Variants in STK32B observed in about 807,000 individuals in gnomAD.
The protein encoded by STK32B is serine/threonine-protein kinase 32B.
Under a neutral mutation model 52.6 loss-of-function variants are expected in STK32B, and 43 were observed. The observed-to-expected ratio is 0.82, with a 90% CI of 0.64 to 1.05. The LOEUF is 1.05. Among genes scored for constraint, STK32B ranks in the 50% least tolerant of loss-of-function variants. STK32B has a pLI of 0.00. For missense variants in STK32B, 621 were observed against 534.6 expected (o/e 1.16, Z -1.59); for synonymous variants, 238 against 204.3 (o/e 1.17, Z -1.41).
intron 3 of STK32B, among the ~76,000 whole-genome samples, chr4:5,227,320 A>G (rs2108802185): frequency 6.6e-6 from 1 of 152,306 alleles, no homozygotes; most frequent in East Asian, 1.9e-4. Flanking sequence ...TGGTTCTTTT[A>G]CCCACGCATG....
chr4:5,466,892 C>T (rs967448839), intron 10 of STK32B, 58 bp downstream of exon 10: 7 of 1,569,754 alleles, frequency 4.5e-6, no homozygotes, highest in Non-Finnish European at 6.0e-6. Context: ...AGGGAAATGA[C>T]TGAGCCAGGC....
chr4:5,439,727 A>G (rs1051258381), intron 6 of STK32B, among the ~76,000 whole-genome samples: 5 of 152,294 alleles, frequency 3.3e-5, no homozygotes, highest in South Asian at 2.1e-4. Flanking sequence ...TAGGGTTTAT[A>G]TGGTTTTAGG....
rs185961398 is a variant in STK32B, at chr4:5,376,649, T to C, written c.435-21558T>C. Among the ~76,000 whole-genome samples the C allele has an allele frequency of 8.5e-5, 13 of 152,274 alleles. No homozygotes were observed. In the East Asian group the frequency reaches 2.3e-3, roughly 27 times the overall value. On this transcript the variant is annotated intron_variant, in intron 4 of 11. Transcript: ENST00000282908. ...GGGTGATTTGTCAGCATCAGGATGA[T>C]GGAAATGAGGCTGGAGGGAGCAGAG...
At chr4:5,040,440 C>T in the STK32B span, among the ~76,000 whole-genome samples, 1 of 139,254 alleles carries the variant, frequency 7.2e-6, no homozygotes. Context: ...TGTCGCCAGG[C>T]TGGAGAGCAG....
intron 11 of STK32B, among the ~76,000 whole-genome samples, chr4:5,492,187 G>A (rs960179108): frequency 9.2e-5 from 14 of 152,154 alleles, no homozygotes; most frequent in African/African-American, 3.4e-4. Flanking sequence ...CCATTTTCAT[G>A]ATGTTGATTC....
chr4:5,027,251 C>G, the STK32B span, among the ~76,000 whole-genome samples: 3 of 152,214 alleles, frequency 2.0e-5, no homozygotes, highest in Admixed American at 1.3e-4. Context: ...AACACAAACA[C>G]CAAGGCTGGG....
intron 2 of STK32B, among the ~76,000 whole-genome samples, chr4:5,153,135 A>G (rs949282868): frequency 2.6e-5 from 4 of 152,346 alleles, no homozygotes; most frequent in Middle Eastern, 3.4e-3. Context: ...ACTGGCTTCT[A>G]TCACAGGCAC....
intron 1 of STK32B, among the ~76,000 whole-genome samples, chr4:5,090,532 T>G (rs981043194): frequency 2.0e-5 from 3 of 151,786 alleles, no homozygotes; most frequent in Non-Finnish European, 4.4e-5. Context: ...CCTGACTAAT[T>G]TTTTGTATTT....
rs1250778694 is a variant in STK32B at position 5,317,522 on chromosome 4, T to TTATA, written c.261-13690_261-13687dup. Among the ~76,000 whole-genome samples, 42 of 109,070 alleles carry TTATA rather than the reference T, an allele frequency of 3.9e-4. 1 individual carries two copies. Among genetic ancestry groups the TTATA allele is most frequent in the Non-Finnish European group, 6.5e-4 (40 of 61,314 alleles). 71.6% of individuals were successfully genotyped at this position (109,070 alleles called of 152,430 possible). A position where few individuals can be genotyped will look rare whatever the true frequency, so the allele number is the denominator to read the frequency against. ...ATATTATATATGTATAATATATTTA[T>TTATA]TATATATATATTACATGTATATATA... On this transcript the variant is annotated intron_variant, in intron 3 of 11. Transcript: ENST00000282908.
intron 3 of STK32B, among the ~76,000 whole-genome samples, chr4:5,212,480 G>T (rs1365243628): frequency 1.3e-5 from 2 of 152,164 alleles, no homozygotes; most frequent in African/African-American, 4.8e-5. Context: ...CATGTGAAGG[G>T]TACGAAAACC....
chr4:5,368,538 A>C (rs1735021931), intron 4 of STK32B, among the ~76,000 whole-genome samples: 2 of 152,168 alleles, frequency 1.3e-5, no homozygotes, highest in African/African-American at 4.8e-5. Context: ...GTCTACTATT[A>C]TTCCTAATTA....
At chr4:5,080,267 C>T (rs754759212) in intron 1 of STK32B, among the ~76,000 whole-genome samples, 42 of 152,254 alleles carry the variant, frequency 2.8e-4, no homozygotes, top group Non-Finnish European at 3.5e-4. Flanking sequence ...CTGCTTTCCC[C>T]GTCACTCTCT....
At chr4:5,495,401 T>C (rs1720136748) in intron 11 of STK32B, among the ~76,000 whole-genome samples, 1 of 152,244 alleles carries the variant, frequency 6.6e-6, no homozygotes, top group Admixed American at 6.5e-5. Context: ...TTCATGTAGT[T>C]CTCGAGCCTT....
intron 4 of STK32B, among the ~76,000 whole-genome samples, chr4:5,373,124 A>G (rs1300565740): frequency 6.6e-6 from 1 of 152,200 alleles, no homozygotes; most frequent in Non-Finnish European, 1.5e-5. Context: ...AGTGGGACTC[A>G]AACAGAAAAC....
chr4:5,163,581 T>TGTGTGTGTGTGTG (rs61024725), intron 2 of STK32B, among the ~76,000 whole-genome samples: 1 of 104,778 alleles, frequency 9.5e-6, no homozygotes, highest in Non-Finnish European at 2.1e-5. Context: ...TGTGTGTGTG[T>TGTGTGTGTGTGTG]AAGAGAGAGA....
chr4:5,243,981 C>A (rs1280174287), intron 3 of STK32B, among the ~76,000 whole-genome samples: 1 of 152,006 alleles, frequency 6.6e-6, no homozygotes, highest in Non-Finnish European at 1.5e-5. Flanking sequence ...TTCAGTTTGC[C>A]AGTATTTTAT....
intron 2 of STK32B, among the ~76,000 whole-genome samples, chr4:5,146,425 C>T (rs975025205): frequency 1.3e-5 from 2 of 152,172 alleles, no homozygotes; most frequent in Non-Finnish European, 2.9e-5. Context: ...GAAAGCATAT[C>T]CAGCACAGGA....
chr4:5,340,698 T>C (rs1361714620), intron 4 of STK32B, among the ~76,000 whole-genome samples: 1 of 152,244 alleles, frequency 6.6e-6, no homozygotes, highest in Non-Finnish European at 1.5e-5. Flanking sequence ...GAATCAAGTT[T>C]ATTAAACAAT....
chr4:5,418,009 T>C (rs1712303632), intron 6 of STK32B, among the ~76,000 whole-genome samples: 1 of 152,234 alleles, frequency 6.6e-6, no homozygotes, highest in Admixed American at 6.5e-5. Flanking sequence ...AGTTCTCCCA[T>C]GCTTCTCAGG....
Sources: gnomAD v4.1 joint callset for allele counts (sites outside exome capture counted in the v4.1 genomes callset) on GRCh38, gnomAD v4.1.1 for gene constraint, MANE v1.5 for transcripts, NCBI Gene and HGNC (gene_info 2026-07-23, HGNC 2026-07-21) for gene names.